Variants in PHACTR1 observed in about 807,000 individuals in gnomAD.
PHACTR1 encodes phosphatase and actin regulator 1.
PHACTR1 carries 16 observed loss-of-function variants against 69.2 expected under a neutral mutation model. The observed-to-expected ratio is 0.23, with a 90% CI of 0.16 to 0.35. The LOEUF (loss-of-function observed/expected upper bound fraction) is 0.35, where lower values mean the gene tolerates loss of function less well. PHACTR1 is among the 10% of genes least tolerant of loss of function. The probability of loss-of-function intolerance (pLI) is 1.00; values close to 1 mark genes in which losing one functional copy is unlikely to be tolerated. For missense variants in PHACTR1, 510 were observed against 734.7 expected, an observed-to-expected ratio of 0.69 and a Z score of 3.54; for synonymous variants, 312 against 284.5, an observed-to-expected ratio of 1.10 and a Z score of -0.97.
intron 4 of PHACTR1, among the ~76,000 whole-genome samples, chr6:12,804,402 G>A (rs777926625): frequency 1.3e-5 from 2 of 152,194 alleles, no homozygotes; most frequent in Non-Finnish European, 2.9e-5. Flanking sequence ...GATAACCTCA[G>A]AGATGTGATA....
chr6:12,949,223 C>G (rs1008855368), intron 4 of PHACTR1, among the ~76,000 whole-genome samples: 1 of 141,154 alleles, frequency 7.1e-6, no homozygotes, highest in African/African-American at 2.7e-5. Flanking sequence ...TGACCCAGAT[C>G]ATGCCATTGC....
At chr6:12,952,614 C>T (rs140664864) in intron 4 of PHACTR1, among the ~76,000 whole-genome samples, 3 of 152,172 alleles carry the variant, frequency 2.0e-5, no homozygotes, top group Non-Finnish European at 4.4e-5. Context: ...TTTATGCATA[C>T]GCCTCCTGAA....
chr6:13,031,627 G>A (rs575510008), intron 4 of PHACTR1, among the ~76,000 whole-genome samples: 1 of 152,150 alleles, frequency 6.6e-6, no homozygotes. Flanking sequence ...GTGCATGAGG[G>A]GGGTATTGTT....
At chr6:12,910,238 C>A (rs1786234020) in intron 4 of PHACTR1, among the ~76,000 whole-genome samples, 1 of 152,108 alleles carries the variant, frequency 6.6e-6, no homozygotes, top group Non-Finnish European at 1.5e-5. Flanking sequence ...TATATCAGGC[C>A]CTTTAGTGTA....
At chr6:13,182,477 C>T (rs754833272) in intron 6 of PHACTR1, 42 bp from the exon 7 acceptor site, 10 of 1,600,700 alleles carry the variant, frequency 6.2e-6, no homozygotes, top group Non-Finnish European at 1.7e-6. Context: ...TCTTGAAAGG[C>T]AGACATTGTC....
intron 5 of PHACTR1, among the ~76,000 whole-genome samples, chr6:13,114,319 G>A (rs895531098): frequency 4.6e-5 from 7 of 152,050 alleles, no homozygotes; most frequent in Admixed American, 3.9e-4. Context: ...GGAGAGAGAA[G>A]TCATCTTGTC....
chr6:12,990,103 C>T (rs1416825532), intron 4 of PHACTR1, among the ~76,000 whole-genome samples: 1 of 152,168 alleles, frequency 6.6e-6, no homozygotes, highest in East Asian at 1.9e-4. Context: ...CCAGTTTATA[C>T]AGGCACCCCA....
rs192449055 is a variant in PHACTR1, at chr6:12,750,617, C to A, written c.250+827C>A. Among the ~76,000 whole-genome samples, 74 of 152,018 alleles carry A rather than the reference C, an allele frequency of 4.9e-4. No homozygotes were observed. The East Asian group carries it at 0.013, about 27-fold the overall frequency. On this transcript the variant is annotated intron_variant, in intron 4 of 14. Transcript: ENST00000332995. ...GAAGGAGGACTGAGGGATTCAGAGT[C>A]AAAAAATGCCTCAGTTGAGTCCACT...
intron 4 of PHACTR1, among the ~76,000 whole-genome samples, chr6:12,818,149 G>T (rs1162920824): frequency 6.6e-6 from 1 of 152,168 alleles, no homozygotes; most frequent in African/African-American, 2.4e-5. Context: ...AGGGGAGCCA[G>T]GTGTGTATCA....
At chr6:13,199,569 T>C (rs1764922661) in intron 7 of PHACTR1, among the ~76,000 whole-genome samples, 1 of 151,932 alleles carries the variant, frequency 6.6e-6, no homozygotes, top group African/African-American at 2.4e-5. Flanking sequence ...AGAGTGCACA[T>C]AGGGTAAATA....
rs1762871824 is a variant in PHACTR1, at chr6:13,186,758, A to G, written c.664+4072A>G. Among the ~76,000 whole-genome samples, 3 of 152,266 alleles carry G rather than the reference A, an allele frequency of 2.0e-5. No homozygotes were observed. The South Asian group carries it at 6.2e-4, about 32-fold the overall frequency. ...CGAAGGACCAGTTTTGTGGAAGACC[A>G]TTTTTCCACAGACCGGAGGTGGGGC... is the stretch of plus-strand genomic sequence containing the variant. On this transcript the variant is annotated intron_variant, in intron 7 of 14. Transcript: ENST00000332995.
chr6:12,886,316 T>C (rs1388703661), intron 4 of PHACTR1, among the ~76,000 whole-genome samples: 1 of 151,816 alleles, frequency 6.6e-6, no homozygotes, highest in Non-Finnish European at 1.5e-5. Context: ...TACACTTTCC[T>C]GAAAATGAAG....
chr6:12,790,517 G>C (rs1364083453), intron 4 of PHACTR1, among the ~76,000 whole-genome samples: 1 of 152,118 alleles, frequency 6.6e-6, no homozygotes, highest in African/African-American at 2.4e-5. Flanking sequence ...TCTTGCTTTC[G>C]CATTGTTCAT....
intron 8 of PHACTR1, among the ~76,000 whole-genome samples, chr6:13,226,346 A>G (rs1391515763): frequency 6.6e-6 from 1 of 152,254 alleles, no homozygotes; most frequent in Non-Finnish European, 1.5e-5. Flanking sequence ...GAAAGTTTCA[A>G]AGGAGAGGCA....
intron 10 of PHACTR1, among the ~76,000 whole-genome samples, chr6:13,240,563 C>T (rs992166757): frequency 2.0e-5 from 3 of 152,140 alleles, no homozygotes; most frequent in Non-Finnish European, 4.4e-5. Context: ...TGTCGTGCCT[C>T]AGCCTCCCAA....
chr6:13,133,584 C>G (rs1392872107), intron 5 of PHACTR1, among the ~76,000 whole-genome samples: 2 of 152,256 alleles, frequency 1.3e-5, no homozygotes, highest in South Asian at 2.1e-4. Context: ...GACGGAGTCT[C>G]GCTCACTCAG....
At chr6:13,005,415 T>G (rs1317968079) in intron 4 of PHACTR1, among the ~76,000 whole-genome samples, 3 of 152,160 alleles carry the variant, frequency 2.0e-5, no homozygotes. Context: ...TGAGCTCTCT[T>G]TAGACTCCTC....
intron 4 of PHACTR1, among the ~76,000 whole-genome samples, chr6:12,971,297 G>A (rs1794164848): frequency 6.6e-6 from 1 of 152,074 alleles, no homozygotes; most frequent in Admixed American, 6.5e-5. Flanking sequence ...ATCTTTCTTG[G>A]GCTCTTTGCA....
At chr6:13,199,769 A>G (rs111496030) in intron 7 of PHACTR1, among the ~76,000 whole-genome samples, 4 of 152,218 alleles carry the variant, frequency 2.6e-5, no homozygotes, top group Admixed American at 6.5e-5. Flanking sequence ...TTTTATTTCT[A>G]TAGATAGAAA....
Sources: gnomAD v4.1 joint callset for allele counts (sites outside exome capture counted in the v4.1 genomes callset) on GRCh38, gnomAD v4.1.1 for gene constraint, MANE v1.5 for transcripts, NCBI Gene and HGNC (gene_info 2026-07-23, HGNC 2026-07-21) for gene names.